Variants in RPL12 observed in about 807,000 individuals in gnomAD.
RPL12 encodes the protein large ribosomal subunit protein uL11.
RPL12 carries 10 observed loss-of-function variants against 24.5 expected under a neutral mutation model. That is an observed-to-expected ratio of 0.41 (90% CI 0.25 to 0.69). The LOEUF (loss-of-function observed/expected upper bound fraction) is 0.69. Ranked by LOEUF, RPL12 falls within the 30% of genes least tolerant of loss-of-function variation. RPL12 has a pLI of 0.33. For synonymous variants in RPL12, 74 were observed against 76.1 expected (o/e 0.97, Z 0.14); for missense variants, 137 against 205.3 (o/e 0.67, Z 2.03).
At chr9:127,450,378 A>G (rs1355839850) in intron 2 of RPL12, 2 of 229,320 alleles carry the variant, frequency 8.7e-6, no homozygotes, top group African/African-American at 4.6e-5. Context: ...CTTCACCCAC[A>G]CCCCGTTTAA....
chr9:127,451,000 C>A (rs981218046), intron 1 of RPL12, 196 bp from the exon 2 acceptor site: 4 of 637,444 alleles, frequency 6.3e-6, no homozygotes, highest in Non-Finnish European at 1.1e-5. Context: ...AGAGCCCCGT[C>A]GCCCGCTAAC....
chr9:127,450,067 A>G (rs998604009), intron 2 of RPL12: 1 of 226,978 alleles, frequency 4.4e-6, no homozygotes, highest in South Asian at 6.7e-5. Flanking sequence ...ATTATTTGCT[A>G]CTCTGAAGTT....
chr9:127,450,917 G>A, intron 1 of RPL12, 113 bp from the exon 2 acceptor site: 1 of 863,038 alleles, frequency 1.2e-6, no homozygotes, highest in Non-Finnish European at 1.8e-6. Flanking sequence ...AAACAGCACA[G>A]AGCGCGAGGC....
At chr9:127,451,194 A>G in intron 1 of RPL12, 87 bp downstream of exon 1, 1 of 1,535,462 alleles carries the variant, frequency 6.5e-7, no homozygotes, top group Non-Finnish European at 8.9e-7. Context: ...AGCGGCTTTA[A>G]GAGCCCCATA....
chr9:127,448,484 CCTT>C (rs1564242764), intron 4 of RPL12, 61 bp from the exon 5 acceptor site: 1 of 1,071,234 alleles, frequency 9.3e-7, no homozygotes, highest in Admixed American at 1.7e-5. Flanking sequence ...GATCATGTGT[CCTT>C]CATTTCATTT....
chr9:127,450,493 C>T, intron 2 of RPL12: 1 of 487,080 alleles, frequency 2.1e-6, no homozygotes, highest in Non-Finnish European at 3.6e-6. Flanking sequence ...TGGGCCCACC[C>T]CTCAGGTACA....
intron 2 of RPL12, chr9:127,450,411 C>A: frequency 3.5e-6 from 1 of 284,978 alleles, no homozygotes; most frequent in Non-Finnish European, 6.6e-6. Context: ...GCCATGCCCA[C>A]TTCCTGACGA....
chr9:127,448,293 AAC>A (rs1834207289), intron 5 of RPL12, 42 bp downstream of exon 5: 1 of 1,470,288 alleles, frequency 6.8e-7, no homozygotes, highest in Non-Finnish European at 9.5e-7. Flanking sequence ...CTCAGTGAAA[AAC>A]ACAACTACAG....
Position 127,447,765 on chromosome 9 carries a change from AGGATTATCCCACCCCACCAGTAACC to A in RPL12, c.493-64_493-40del, listed in dbSNP as rs781351977. The stretch of plus-strand genomic sequence containing the variant: ...AAAAAAAATCAGTAAAAAGTTTAAA[AGGATTATCCCACCCCACCAGTAACC>A]ATTTCCAAAACTTCCCAGCTTATCT... On this transcript the variant is annotated intron_variant, in intron 6 of 6. Transcript: ENST00000361436. The A allele has an allele frequency of 5.6e-6, 9 of 1,613,418 alleles. No individual in the cohort carries two copies. In the African/African-American group the frequency reaches 8.0e-5, roughly 14 times the overall value.
Position 127,447,727 on chromosome 9 carries a change from CTG to C in RPL12, c.493-3_493-2del, listed in dbSNP as rs1341361389. ...GAAATGTTTTCCTTTGTGCTTAACT[CTG>C]TGGGAAAGAAAAAAAAAATCAGTAA... On this transcript the variant is annotated splice_acceptor_variant and splice_polypyrimidine_tract_variant and intron_variant, in intron 6 of 6. Transcript: ENST00000361436. LOFTEE classifies it high-confidence loss of function. 1.9e-6 allele frequency: 3 copies of C among 1,613,568 alleles called. No homozygotes were observed. The highest frequency in any genetic ancestry group is 2.2e-5 in the East Asian group (1 of 44,872).
At chr9:127,450,004 T>C (rs1470931520) in intron 2 of RPL12, 1 of 310,244 alleles carries the variant, frequency 3.2e-6, no homozygotes, top group East Asian at 6.9e-5. Context: ...GCTTTCAAAA[T>C]ACTAGGCTCC....
At chr9:127,449,522 C>A in intron 3 of RPL12, 88 bp downstream of exon 3, 1 of 1,369,988 alleles carries the variant, frequency 7.3e-7, no homozygotes, top group Admixed American at 1.8e-5. Context: ...CGGCTCACCA[C>A]TGGTGGCAGA....
chr9:127,450,443 C>T (rs1462430858), intron 2 of RPL12: 2 of 359,186 alleles, frequency 5.6e-6, no homozygotes, highest in Non-Finnish European at 1.0e-5. Context: ...TGTTGGCTGC[C>T]CAATGTCTCT....
At chr9:127,449,498 G>A (rs1386821943) in intron 3 of RPL12, 112 bp downstream of exon 3, 3 of 1,295,700 alleles carry the variant, frequency 2.3e-6, no homozygotes, top group Middle Eastern at 1.8e-4. Flanking sequence ...TCCCCAACAA[G>A]GTGAAATCAC....
At chr9:127,450,707 T>A (rs1834280885) in intron 2 of RPL12, 24 bp downstream of exon 2, 4 of 1,526,832 alleles carry the variant, frequency 2.6e-6, no homozygotes, top group South Asian at 1.2e-5. Flanking sequence ...GTGAAAAAAA[T>A]GCCCCTTGGA....
At chr9:127,449,867 G>A (rs915739830) in intron 2 of RPL12, 159 bp from the exon 3 acceptor site, 3 of 636,496 alleles carry the variant, frequency 4.7e-6, no homozygotes, top group African/African-American at 3.6e-5. Flanking sequence ...TAAATTGGGG[G>A]TTGGGGTTCT....
chr9:127,449,264 G>A lies in RPL12; in HGVS notation c.292+17C>T. On this transcript the variant is annotated intron_variant, in intron 4 of 6. Coordinates refer to ENST00000361436, the MANE Select transcript of RPL12 (RefSeq NM_000976.4). ...ACAAACCATTACCAAAACCAAACTAGGGAAAAGACAACTTACTGTTTTTCT... is the reference window on the plus strand; with the variant it reads ...ACAAACCATTACCAAAACCAAACTAAGGAAAAGACAACTTACTGTTTTTCT... The A allele has an allele frequency of 6.2e-7, 1 of 1,606,990 alleles. No individual in the cohort carries two copies. Among genetic ancestry groups the A allele is most frequent in the Non-Finnish European group, 8.5e-7 (1 of 1,176,372 alleles).
Position 127,447,674 on chromosome 9 carries a change from T to C in RPL12, c.*47A>G, listed in dbSNP as rs1182219962. 12 of 1,612,058 alleles carry C rather than the reference T, an allele frequency of 7.4e-6. No homozygotes were observed. The South Asian group carries it at 1.3e-4, about 18-fold the overall frequency. On this transcript the variant is annotated 3_prime_UTR_variant, in exon 7 of 7. Transcript: ENST00000361436. ...TCAAGGAAGACGCCACACCAGAAAA[T>C]CCACCAGTTGTCAAATGATCCTTTA...
chr9:127,449,725 G>A lies in RPL12; in HGVS notation c.112-17C>T, dbSNP rs777888633. On this transcript the variant is annotated splice_polypyrimidine_tract_variant and intron_variant, in intron 2 of 6. Transcript: ENST00000361436. ...TTTTGGAGACTAGAAATAAAGGCAT[G>A]TAATCAACATGGTGTCCAGAGGTGA... 30 of 1,594,052 alleles carry A rather than the reference G, an allele frequency of 1.9e-5. No individual in the cohort carries two copies. In the Admixed American group the frequency reaches 5.0e-4, roughly 27 times the overall value.
Sources: gnomAD v4.1 joint callset for allele counts on GRCh38, gnomAD v4.1.1 for gene constraint, MANE v1.5 for transcripts, NCBI Gene and HGNC (gene_info 2026-07-23, HGNC 2026-07-21) for gene names.